The following SNX29 variants were observed in gnomAD, a reference collection of about 807,000 sequenced individuals.
The protein encoded by SNX29 is sorting nexin 29.
A neutral mutation model predicts 102.1 loss-of-function variants in SNX29; 78 were observed. The ratio of observed to expected loss-of-function variants is 0.76; its 90% CI spans 0.64 to 0.92. The LOEUF is 0.92. Among genes scored for constraint, SNX29 ranks in the 40% least tolerant of loss-of-function variants. SNX29 has a pLI of 0.00. For missense variants in SNX29, 1,280 were observed against 1,061.7 expected (o/e 1.21, Z -2.86); for synonymous variants, 580 against 414.5 (o/e 1.40, Z -4.85).
intron 16 of SNX29, among the ~76,000 whole-genome samples, chr16:12,383,247 C>A (rs990234301): frequency 2.0e-5 from 3 of 152,158 alleles, no homozygotes; most frequent in Admixed American, 6.5e-5. Context: ...AAGATACATG[C>A]AATCTTTACA....
chr16:12,548,910 T>C (rs1292096659), intron 20 of SNX29, among the ~76,000 whole-genome samples: 1 of 152,218 alleles, frequency 6.6e-6, no homozygotes, highest in Non-Finnish European at 1.5e-5. Flanking sequence ...ACTCGGGCTG[T>C]AGGTATTCTT....
chr16:12,126,013 A>G (rs577168849), intron 11 of SNX29, among the ~76,000 whole-genome samples: 24 of 151,998 alleles, frequency 1.6e-4, no homozygotes, highest in African/African-American at 5.8e-4. Flanking sequence ...CTTGTTTCAC[A>G]CTTCAGAAAA....
At chr16:12,190,617 C>T (rs1019471909) in intron 13 of SNX29, among the ~76,000 whole-genome samples, 1 of 152,136 alleles carries the variant, frequency 6.6e-6, no homozygotes, top group African/African-American at 2.4e-5. Context: ...ATCAGATCAA[C>T]CTTAGCAAAG....
At chr16:12,429,022 C>T (rs768445134) in intron 18 of SNX29, among the ~76,000 whole-genome samples, 13 of 152,200 alleles carry the variant, frequency 8.5e-5, no homozygotes, top group Non-Finnish European at 1.6e-4. Flanking sequence ...GATACGATTG[C>T]AATTAATATC....
chr16:12,390,584 T>A (rs1387381230), intron 16 of SNX29, among the ~76,000 whole-genome samples: 1 of 152,230 alleles, frequency 6.6e-6, no homozygotes, highest in Non-Finnish European at 1.5e-5. Flanking sequence ...ATAACTAGTG[T>A]GCATTTGTGG....
intron 20 of SNX29, among the ~76,000 whole-genome samples, chr16:12,564,495 C>T (rs1008809920): frequency 1.3e-5 from 2 of 152,210 alleles, no homozygotes; most frequent in Non-Finnish European, 2.9e-5. Flanking sequence ...TCTAGAGTGT[C>T]TTAACAGAAG....
intron 9 of SNX29, among the ~76,000 whole-genome samples, chr16:12,062,695 C>T (rs1020425371): frequency 1.3e-5 from 2 of 152,178 alleles, no homozygotes; most frequent in Admixed American, 1.3e-4. Context: ...AATGTGCCTT[C>T]TCTGGGCCCA....
chr16:12,559,842 C>T (rs1037393211), intron 20 of SNX29, among the ~76,000 whole-genome samples: 3 of 152,104 alleles, frequency 2.0e-5, no homozygotes, highest in African/African-American at 4.8e-5. Flanking sequence ...ATTCTAATGC[C>T]AGACTGCTTT....
At chr16:12,086,246 T>C (rs1477924783) in intron 11 of SNX29, among the ~76,000 whole-genome samples, 1 of 152,062 alleles carries the variant, frequency 6.6e-6, no homozygotes, top group Non-Finnish European at 1.5e-5. Flanking sequence ...CCTTGTGATC[T>C]GCCCGCCTCG....
chr16:12,047,162 G>C (rs1208674730), intron 6 of SNX29, among the ~76,000 whole-genome samples: 1 of 152,152 alleles, frequency 6.6e-6, no homozygotes, highest in Middle Eastern at 3.2e-3. Flanking sequence ...CATCTTCATG[G>C]GGCTGTGAGA....
At chr16:12,181,898 T>TC (rs1448440038) in intron 13 of SNX29, among the ~76,000 whole-genome samples, 2 of 150,670 alleles carry the variant, frequency 1.3e-5, no homozygotes, top group African/African-American at 4.8e-5. Flanking sequence ...TTTTTTTTTT[T>TC]CTGGAGACGG....
intron 14 of SNX29, among the ~76,000 whole-genome samples, chr16:12,270,186 T>A (rs2079049996): frequency 6.6e-6 from 1 of 152,122 alleles, no homozygotes; most frequent in Admixed American, 6.6e-5. Context: ...TTAAAACCCA[T>A]AAATCACCCT....
intron 13 of SNX29, among the ~76,000 whole-genome samples, chr16:12,153,438 A>G (rs1597056847): frequency 6.7e-6 from 1 of 149,200 alleles, no homozygotes; most frequent in Admixed American, 6.7e-5. Flanking sequence ...TCTTTCTCTC[A>G]CGCTCCCTCT....
intron 20 of SNX29, among the ~76,000 whole-genome samples, chr16:12,525,705 C>T (rs1434123058): frequency 7.7e-6 from 1 of 129,156 alleles, no homozygotes; most frequent in Non-Finnish European, 1.6e-5. Context: ...CCCACCCCCC[C>T]CCCCAAAAAA....
Position 12,406,739 on chromosome 16 carries a change from C to G in SNX29, c.2037+3210C>G, listed in dbSNP as rs532750222. Among the ~76,000 whole-genome samples, 25 of 152,264 alleles carry G rather than the reference C, an allele frequency of 1.6e-4. No individual in the cohort carries two copies. In the East Asian group the frequency reaches 3.3e-3, roughly 20 times the overall value. ...CCTGGCCAACATGGTGAAACCCCAT[C>G]TCTACTAAAAATACAAAAATTAGCT... On this transcript the variant is annotated intron_variant, in intron 18 of 20. Transcript: ENST00000566228.
intron 18 of SNX29, among the ~76,000 whole-genome samples, chr16:12,476,787 AC>A (rs1358841395): frequency 6.6e-6 from 1 of 152,104 alleles, no homozygotes; most frequent in Admixed American, 6.6e-5. Context: ...GAGTTTGAAC[AC>A]ATAATGTCTG....
chr16:12,554,821 C>G (rs565300943), intron 20 of SNX29, among the ~76,000 whole-genome samples: 69 of 152,304 alleles, frequency 4.5e-4, no homozygotes, highest in African/African-American at 1.5e-3. Flanking sequence ...TGAGCACCTG[C>G]TCTGTGCCAT....
At chr16:12,258,617 C>T (rs1361309596) in intron 14 of SNX29, among the ~76,000 whole-genome samples, 6 of 152,178 alleles carry the variant, frequency 3.9e-5, no homozygotes, top group Non-Finnish European at 8.8e-5. Flanking sequence ...GTCCCAGGGC[C>T]CTGACCCATG....
In SNX29 at chr16:12,572,425, A is replaced by G. The variant is rs1267704905; in HGVS notation, c.*3796A>G. The G allele has an allele frequency of 1.9e-6, 2 of 1,063,152 alleles. No homozygotes were observed. Among genetic ancestry groups the G allele is most frequent in the African/African-American group, 1.6e-5 (1 of 61,054 alleles). The allele number at this position is 1,063,152 out of a possible 1,614,324, so 65.9% of individuals were successfully genotyped here. ...GCAGGGCTCTGTGGCCCAGGCCGGCAGTGGCTGCCTCTCTTGGTTCTGCAT... is the reference window on the plus strand; with the variant it reads ...GCAGGGCTCTGTGGCCCAGGCCGGCGGTGGCTGCCTCTCTTGGTTCTGCAT... On this transcript the variant is annotated 3_prime_UTR_variant, in exon 21 of 21. Transcript: ENST00000566228.
Sources: allele counts gnomAD v4.1 joint callset (sites outside exome capture counted in the v4.1 genomes callset), GRCh38; gene constraint gnomAD v4.1.1; transcripts MANE v1.5; gene names NCBI Gene and HGNC (gene_info 2026-07-23, HGNC 2026-07-21).